The following PMS1 variants were observed in gnomAD, a reference collection of about 807,000 sequenced individuals.
PMS1 encodes PMS1 homolog 1, mismatch repair system component, also known as PMS1 protein homolog 1.
In PMS1, 79 loss-of-function variants were observed where a neutral mutation model predicts 93.1. That is an observed-to-expected ratio of 0.85 (90% CI 0.71 to 1.02). PMS1 has a LOEUF of 1.02. PMS1 is among the 50% of genes least tolerant of loss of function. The probability of loss-of-function intolerance (pLI) is 0.00; values close to 1 mark genes in which losing one functional copy is unlikely to be tolerated. For missense variants in PMS1, 1,064 were observed against 1,085.3 expected (o/e 0.98, Z 0.28); for synonymous variants, 335 against 363.4 (o/e 0.92, Z 0.89).
Position 189,854,102 on chromosome 2 carries a change from T to G in PMS1, c.966+20T>G. On this transcript the variant is annotated intron_variant, in intron 8 of 12. Transcript: ENST00000441310. ...AATAAGGTAACTCTTTTCAGATAATTTTTTCTTATGCTATTTATAAACATA... is the reference window on the plus strand; with the variant it reads ...AATAAGGTAACTCTTTTCAGATAATGTTTTCTTATGCTATTTATAAACATA... 1 of 1,540,356 alleles carries G rather than the reference T, an allele frequency of 6.5e-7. No homozygotes were observed. The highest frequency in any genetic ancestry group is 1.4e-5 in the African/African-American group (1 of 73,240).
At chr2:189,851,422 A>C (rs1035356745) in intron 6 of PMS1, among the ~76,000 whole-genome samples, 5 of 151,756 alleles carry the variant, frequency 3.3e-5, no homozygotes, top group African/African-American at 1.2e-4. Flanking sequence ...GGTAAATTAT[A>C]CAACCATTTT....
At chr2:189,835,064 T>G (rs1338786621) in intron 5 of PMS1, among the ~76,000 whole-genome samples, 1 of 152,194 alleles carries the variant, frequency 6.6e-6, no homozygotes, top group Non-Finnish European at 1.5e-5. Flanking sequence ...AACCCAAAAA[T>G]GTATGAAAAG....
intron 1 of PMS1, among the ~76,000 whole-genome samples, chr2:189,791,116 T>C (rs536552433): frequency 2.6e-5 from 4 of 152,290 alleles, no homozygotes; most frequent in African/African-American, 9.6e-5. Flanking sequence ...TGTGGATTTT[T>C]TGAACCCATT....
chr2:189,852,858 C>G (rs554727475), intron 7 of PMS1, 81 bp downstream of exon 7: 244 of 876,854 alleles, frequency 2.8e-4, no homozygotes, highest in Non-Finnish European at 4.4e-4. Context: ...AGAATTTGCT[C>G]TAAAATAAAA....
chr2:189,788,264 T>G (rs932134106), intron 1 of PMS1, among the ~76,000 whole-genome samples: 1 of 152,192 alleles, frequency 6.6e-6, no homozygotes, highest in Admixed American at 6.5e-5. Flanking sequence ...TGTGAGCCCC[T>G]TTGGGGTAGG....
intron 5 of PMS1, among the ~76,000 whole-genome samples, chr2:189,821,530 T>C (rs1392587968): frequency 6.6e-6 from 1 of 150,864 alleles, no homozygotes; most frequent in African/African-American, 2.4e-5. Flanking sequence ...AAGTGAAGGC[T>C]GGGTCCGGTG....
At chr2:189,859,939 T>C (rs2055772031) in intron 9 of PMS1, among the ~76,000 whole-genome samples, 1 of 152,202 alleles carries the variant, frequency 6.6e-6, no homozygotes. Flanking sequence ...TTCCTTAATG[T>C]TGTTCAGGAA....
intron 9 of PMS1, 35 bp downstream of exon 9, chr2:189,855,163 TCAGCTATTTCC>T: frequency 1.3e-6 from 2 of 1,562,696 alleles, no homozygotes; most frequent in Non-Finnish European, 1.8e-6. Flanking sequence ...ACTTGAATGT[TCAGCTATTTCC>T]ATTCTATATG....
chr2:189,856,544 A>G (rs2106472096), intron 9 of PMS1, among the ~76,000 whole-genome samples: 1 of 152,262 alleles, frequency 6.6e-6, no homozygotes, highest in South Asian at 2.1e-4. Context: ...AATAAGGTTC[A>G]CACAATTGTG....
intron 5 of PMS1, among the ~76,000 whole-genome samples, chr2:189,831,168 G>T (rs2052897865): frequency 6.6e-6 from 1 of 152,242 alleles, no homozygotes; most frequent in Admixed American, 6.5e-5. Context: ...AGGCAGTGAA[G>T]AAGTTTCTTT....
chr2:189,856,187 A>G (rs1201214104), intron 9 of PMS1, among the ~76,000 whole-genome samples: 2 of 148,292 alleles, frequency 1.3e-5, no homozygotes, highest in Non-Finnish European at 3.0e-5. Context: ...TGGTTATTAT[A>G]TTTTGTTCTT....
At position 189,854,699 on chromosome 2, in the gene PMS1, A is replaced by G. The variant is rs571235425; in HGVS notation, c.1427A>G (p.Asp476Gly). The G allele has an allele frequency of 2.2e-5, 35 of 1,613,976 alleles. No homozygotes were observed. In the South Asian group the frequency reaches 3.5e-4, roughly 16 times the overall value. Reference protein sequence around the residue: ...QSENGNKDHIDESGENEEEAG... With the variant: ...QSENGNKDHIGESGENEEEAG... ...GAAAATGGCAATAAAGACCATATAG[A>G]TGAGAGTGGGGAAAATGAGGAAGAA... The change falls in exon 9 of 13, where the codon GAT (aspartate) becomes GGT (glycine). Residue 476 changes from aspartate to glycine, a missense_variant. Transcript: ENST00000441310.
intron 11 of PMS1, among the ~76,000 whole-genome samples, chr2:189,869,249 A>G (rs917028294): frequency 2.0e-5 from 3 of 152,228 alleles, no homozygotes; most frequent in Admixed American, 2.0e-4. Flanking sequence ...TAACCAAAGT[A>G]ACAATTAAAT....
At position 189,853,984 on chromosome 2, in the gene PMS1, C is replaced by T. The variant is rs753843878; in HGVS notation, c.868C>T (p.Arg290Cys). ...YNLKCLKEST[R>C]LYPVFFLKID... is the part of the protein sequence containing the mutation. ...TCTGAAATGCCTAAAGGAATCTACT[C>T]GTTTGTATCCTGTTTTCTTTCTGAA... Residue 290 changes from arginine to cysteine, a missense_variant, in exon 8 of 13, where the codon CGT becomes TGT. Coordinates refer to ENST00000441310, the MANE Select transcript of PMS1 (RefSeq NM_000534.5). 79 of 1,606,188 alleles carry T rather than the reference C, an allele frequency of 4.9e-5. No individual in the cohort carries two copies. Among genetic ancestry groups the T allele is most frequent in the Non-Finnish European group, 6.3e-5 (74 of 1,175,310 alleles).
intron 1 of PMS1, among the ~76,000 whole-genome samples, chr2:189,790,645 C>T (rs1365757276): frequency 2.0e-5 from 3 of 152,132 alleles, no homozygotes; most frequent in Non-Finnish European, 2.9e-5. Flanking sequence ...TATGGTTTAG[C>T]GGTTTAAATG....
At chr2:189,784,683 C>A (rs1178841694) in intron 1 of PMS1, 90 bp downstream of exon 1, 1 of 152,564 alleles carries the variant, frequency 6.6e-6, no homozygotes, top group African/African-American at 2.4e-5. Flanking sequence ...GGCGCGAACG[C>A]TATAGGGCAG....
intron 1 of PMS1, among the ~76,000 whole-genome samples, chr2:189,790,269 G>T (rs2048732862): frequency 6.6e-6 from 1 of 152,152 alleles, no homozygotes; most frequent in African/African-American, 2.4e-5. Flanking sequence ...GTTTAAATGA[G>T]ACTGTTGGTA....
chr2:189,811,853 G>A (rs2106304606), intron 4 of PMS1, among the ~76,000 whole-genome samples: 1 of 152,262 alleles, frequency 6.6e-6, no homozygotes, highest in African/African-American at 2.4e-5. Context: ...ATTCATAAAA[G>A]TGTGGCGCTA....
chr2:189,864,570 C>T (rs1208776995), intron 10 of PMS1, among the ~76,000 whole-genome samples: 21 of 139,242 alleles, frequency 1.5e-4, no homozygotes, highest in African/African-American at 5.1e-4. Flanking sequence ...GCAGGAGAAT[C>T]GCTTGAACCT....
Sources: allele counts gnomAD v4.1 joint callset (sites outside exome capture counted in the v4.1 genomes callset), GRCh38; gene constraint gnomAD v4.1.1; transcripts MANE v1.5; gene names NCBI Gene and HGNC (gene_info 2026-07-23, HGNC 2026-07-21).